Variants in MTSS1 observed in about 807,000 individuals in gnomAD.
MTSS1 encodes protein MTSS 1.
In MTSS1, 18 loss-of-function variants were observed where a neutral mutation model predicts 79.0. That is an observed-to-expected ratio of 0.23 (90% CI 0.16 to 0.34). The LOEUF (loss-of-function observed/expected upper bound fraction) is 0.34, where lower values mean the gene tolerates loss of function less well. Ranked by LOEUF, MTSS1 falls within the 10% of genes least tolerant of loss-of-function variation. The pLI is 1.00. For missense variants in MTSS1, 815 were observed against 986.2 expected, an observed-to-expected ratio of 0.83 and a Z score of 2.33; for synonymous variants, 341 against 368.6, an observed-to-expected ratio of 0.93 and a Z score of 0.86.
chr8:124,585,345 A>G (rs1830678523), intron 5 of MTSS1, among the ~76,000 whole-genome samples, 184 bp from the exon 6 acceptor site: 1 of 152,214 alleles, frequency 6.6e-6, no homozygotes, highest in Non-Finnish European at 1.5e-5. Context: ...GAGACACGAA[A>G]ACAAAATGCA....
At chr8:124,718,436 C>T (rs1172870298) in intron 1 of MTSS1, among the ~76,000 whole-genome samples, 1 of 152,062 alleles carries the variant, frequency 6.6e-6, no homozygotes, top group African/African-American at 2.4e-5. Context: ...GCTTGGCTGT[C>T]GGCTAGTCCT....
intron 3 of MTSS1, among the ~76,000 whole-genome samples, chr8:124,694,747 G>A (rs1316756459): frequency 1.3e-5 from 2 of 151,974 alleles, no homozygotes; most frequent in African/African-American, 4.8e-5. Context: ...TAATAGCCAC[G>A]TGCTGGTCCA....
chr8:124,615,766 T>C (rs1836729176), intron 3 of MTSS1, among the ~76,000 whole-genome samples: 1 of 152,178 alleles, frequency 6.6e-6, no homozygotes, highest in Non-Finnish European at 1.5e-5. Flanking sequence ...ATAGCTTTGG[T>C]TTCTATTCTG....
In MTSS1 at chr8:124,565,708, G is replaced by A; in HGVS notation, c.778C>T (p.Pro260Ser). The A allele has an allele frequency of 2.5e-6, 4 of 1,614,106 alleles. No homozygotes were observed. Among genetic ancestry groups the A allele is most frequent in the Non-Finnish European group, 2.5e-6 (3 of 1,180,032 alleles). The change falls in exon 9 of 14, where the codon CCC becomes TCC. Residue 260 changes from proline to serine, a missense_variant. By Grantham distance (74) the Pro-to-Ser change is moderately conservative (BLOSUM62 -1). Coordinates refer to ENST00000518547, the MANE Select transcript of MTSS1 (RefSeq NM_014751.6). ...GACATGGTGGTGCTGGGGGAAGAGG[G>A]TGGCGTCTGATACGACCAGCTGTAA... is the stretch of plus-strand genomic sequence containing the variant. ...SDYSWSYQTP[P>S]SSPSTTMSRK...
chr8:124,650,256 C>T (rs1246202475), intron 3 of MTSS1, among the ~76,000 whole-genome samples: 1 of 152,118 alleles, frequency 6.6e-6, no homozygotes, highest in East Asian at 1.9e-4. Context: ...GTCTCGAATT[C>T]CTGACCTCAT....
intron 10 of MTSS1, among the ~76,000 whole-genome samples, chr8:124,562,522 A>C (rs1825559530): frequency 6.6e-6 from 1 of 151,988 alleles, no homozygotes; most frequent in Admixed American, 6.6e-5. Context: ...AACCTCTTTC[A>C]ATCCATCTAC....
chr8:124,675,142 C>T (rs1181850540), intron 3 of MTSS1, among the ~76,000 whole-genome samples: 1 of 152,232 alleles, frequency 6.6e-6, no homozygotes, highest in Non-Finnish European at 1.5e-5. Context: ...CTTTGACTGC[C>T]CTCCGAGGGG....
chr8:124,663,734 G>A (rs993149879), intron 3 of MTSS1, among the ~76,000 whole-genome samples: 5 of 152,112 alleles, frequency 3.3e-5, no homozygotes, highest in South Asian at 2.1e-4. Context: ...GTCCATTCCC[G>A]TGTCCTTTTG....
chr8:124,567,014 C>G (rs1156744236), intron 8 of MTSS1, 57 bp downstream of exon 8: 7 of 1,340,448 alleles, frequency 5.2e-6, no homozygotes, highest in Non-Finnish European at 7.5e-6. Flanking sequence ...ACACTCAGGG[C>G]CTTGAGCTTT....
At chr8:124,674,592 C>G (rs780600342) in intron 3 of MTSS1, among the ~76,000 whole-genome samples, 1 of 152,132 alleles carries the variant, frequency 6.6e-6, no homozygotes, top group Admixed American at 6.5e-5. Context: ...GATCCGCCCC[C>G]CTCGGCCTCC....
chr8:124,702,852 C>T (rs1829893718), intron 2 of MTSS1, among the ~76,000 whole-genome samples: 1 of 152,172 alleles, frequency 6.6e-6, no homozygotes, highest in South Asian at 2.1e-4. Context: ...GAAGCACCCA[C>T]TAAGTGAAAT....
At chr8:124,714,384 C>G (rs1212132951) in intron 1 of MTSS1, among the ~76,000 whole-genome samples, 1 of 152,228 alleles carries the variant, frequency 6.6e-6, no homozygotes, top group Non-Finnish European at 1.5e-5. Context: ...AGGGCTTGCC[C>G]TCACGCCCGG....
At position 124,565,406 on chromosome 8, in the gene MTSS1, A is replaced by T. The variant is rs117261708; in HGVS notation, c.824+256T>A. On this transcript the variant is annotated intron_variant, in intron 9 of 13. Coordinates refer to ENST00000518547, the MANE Select transcript of MTSS1 (RefSeq NM_014751.6). ...CAAATGTGATCTCATAGAATAGGAA[A>T]ATCCCTACAACATACAAGTGAGAGA... Among the ~76,000 whole-genome samples, 113 of 152,350 alleles carry T rather than the reference A, an allele frequency of 7.4e-4. 1 individual carries two copies. In the East Asian group the frequency reaches 0.021, roughly 28 times the overall value.
At chr8:124,629,991 G>T (rs1815593827) in intron 3 of MTSS1, among the ~76,000 whole-genome samples, 1 of 152,226 alleles carries the variant, frequency 6.6e-6, no homozygotes, top group African/African-American at 2.4e-5. Context: ...GCAAGGCCAA[G>T]CCAGCTGCGT....
chr8:124,651,654 G>A (rs1819995558), intron 3 of MTSS1, among the ~76,000 whole-genome samples: 1 of 151,976 alleles, frequency 6.6e-6, no homozygotes, highest in African/African-American at 2.4e-5. Flanking sequence ...GGTTTTCCTG[G>A]GACATAAGTC....
At chr8:124,621,553 G>GTT (rs35048613) in intron 3 of MTSS1, among the ~76,000 whole-genome samples, 2 of 151,356 alleles carry the variant, frequency 1.3e-5, no homozygotes, top group Non-Finnish European at 3.0e-5. Flanking sequence ...CTGTTTGTGT[G>GTT]TTTTTTTTTG....
chr8:124,714,673 G>C (rs1831663638), intron 1 of MTSS1, among the ~76,000 whole-genome samples: 1 of 152,104 alleles, frequency 6.6e-6, no homozygotes, highest in Admixed American at 6.5e-5. Flanking sequence ...ATGTTGGACA[G>C]GCTGGCCTTG....
At chr8:124,655,775 G>C (rs1296884921) in intron 3 of MTSS1, among the ~76,000 whole-genome samples, 1 of 152,152 alleles carries the variant, frequency 6.6e-6, no homozygotes, top group Non-Finnish European at 1.5e-5. Context: ...GGATGTGGGA[G>C]AAAGGGTAGC....
At chr8:124,655,525 C>A (rs1157563013) in intron 3 of MTSS1, among the ~76,000 whole-genome samples, 1 of 152,208 alleles carries the variant, frequency 6.6e-6, no homozygotes, top group Non-Finnish European at 1.5e-5. Flanking sequence ...AACAAATAGT[C>A]ATCTGGCACC....
Sources: allele counts gnomAD v4.1 joint callset (sites outside exome capture counted in the v4.1 genomes callset), GRCh38; gene constraint gnomAD v4.1.1; transcripts MANE v1.5; gene names NCBI Gene and HGNC (gene_info 2026-07-23, HGNC 2026-07-21).